AGRN: variants seen among roughly 807,000 people sequenced by gnomAD.
AGRN encodes the protein agrin proteoglycan.
A neutral mutation model predicts 211.0 loss-of-function variants in AGRN; 106 were observed. The ratio of observed to expected loss-of-function variants is 0.50; its 90% CI spans 0.43 to 0.59. The LOEUF (loss-of-function observed/expected upper bound fraction) is 0.59, where lower values mean the gene tolerates loss of function less well. Ranked by LOEUF, AGRN falls within the 20% of genes least tolerant of loss-of-function variation. The pLI is 0.00. For synonymous variants in AGRN, 1,525 were observed against 1,332.5 expected (o/e 1.14, Z -3.15); for missense variants, 3,040 against 2,982.6 (o/e 1.02, Z -0.45).
rs2100670338 is a variant in AGRN, at chr1:1,048,458, G to C, written c.4105+93G>C. Reference sequence around the variant, plus strand: ...TAAGCCACCATCAGGCTTTGAGTTGGGGGCAGGAGCCCGGATTAAGGCGGG... The same window carrying C: ...TAAGCCACCATCAGGCTTTGAGTTGCGGGCAGGAGCCCGGATTAAGGCGGG... On this transcript the variant is annotated intron_variant, in intron 23 of 35. Transcript: ENST00000379370. This position sits in a 1 kb window ranked among gnomAD's most constrained non-coding sequence, Gnocchi z 5.9. The C allele has an allele frequency of 2.7e-6, 3 of 1,095,080 alleles. No individual in the cohort carries two copies. Among genetic ancestry groups the C allele is most frequent in the Middle Eastern group, 3.1e-4 (1 of 3,256 alleles). 67.8% of individuals were successfully genotyped at this position (1,095,080 alleles called of 1,614,324 possible).
chr1:1,050,243 G>T lies in AGRN; in HGVS notation c.4890G>T (p.Gln1630His). ...TGACTCTCCCTACAGCCTCGGGGCA[G>T]GACGGCTCTGGGCCCTTCCTGGCTG... ...EGTFCQTASG[Q>H]DGSGPFLADF... is the part of the protein sequence containing the mutation. The change falls in exon 28 of 36, where the codon CAG becomes CAT. Residue 1630 changes from glutamine to histidine, a missense_variant. Coordinates refer to ENST00000379370, the MANE Select transcript of AGRN (RefSeq NM_198576.4). The T allele has an allele frequency of 1.2e-6, 2 of 1,613,162 alleles. No homozygotes were observed. The highest frequency in any genetic ancestry group is 1.7e-6 in the Non-Finnish European group (2 of 1,179,960).
intron 19 of AGRN, 155 bp downstream of exon 19, chr1:1,047,112 GTCTC>G (rs773713801): frequency 6.5e-6 from 9 of 1,392,214 alleles, no homozygotes; most frequent in Admixed American, 2.4e-5. Context: ...CGCCTAACCC[GTCTC>G]TCTCGTTGCA....
intron 7 of AGRN, 101 bp from the exon 8 acceptor site, chr1:1,043,138 C>A: frequency 7.6e-7 from 1 of 1,313,428 alleles, no homozygotes. Context: ...TCTTCCTCCA[C>A]CATCCCCTCC....
chr1:1,020,651 C>T (rs1644376946), intron 1 of AGRN, among the ~76,000 whole-genome samples: 1 of 151,994 alleles, frequency 6.6e-6, no homozygotes, highest in Admixed American at 6.5e-5. Context: ...CGCGCCCTCC[C>T]TACCGGCCGA....
At chr1:1,035,499 G>A (rs368842884) in intron 3 of AGRN, among the ~76,000 whole-genome samples, 175 bp downstream of exon 3, 49 of 152,266 alleles carry the variant, frequency 3.2e-4, no homozygotes, top group African/African-American at 1.1e-3. Flanking sequence ...GTAGGAACTC[G>A]GGGTCTAGAG....
chr1:1,044,180 G>A lies in AGRN; in HGVS notation c.2071G>A (p.Gly691Ser), dbSNP rs762554040. The A allele has an allele frequency of 3.7e-6, 6 of 1,613,150 alleles. No individual in the cohort carries two copies. Among genetic ancestry groups the A allele is most frequent in the East Asian group, 4.5e-5 (2 of 44,898 alleles). ...TGAGCAGGAGCTGTGCCGGCAGCGC[G>A]GTGGCATCTGGGACGAGGACTCGGA... ...DCEQELCRQR[G>S]GIWDEDSEDG... is the part of the protein sequence containing the mutation. Residue 691 changes from glycine (G) to serine (S), a missense_variant, in exon 11 of 36, where the codon GGT becomes AGT. Transcript: ENST00000379370.
Position 1,031,837 on chromosome 1 carries a change from C to T in AGRN, c.464-3440C>T, listed in dbSNP as rs1372546133. On this transcript the variant is annotated intron_variant, in intron 2 of 35. Coordinates refer to ENST00000379370, the MANE Select transcript of AGRN (RefSeq NM_198576.4). The surrounding 1 kb of genome is among the most constrained non-coding windows in gnomAD (Gnocchi z 4.8). ...GGTGGTGGCAGCAGGCGGGCTGGCG[C>T]GTGACCTGGTAGCACGGCCTGGGTT... Among the ~76,000 whole-genome samples, 2 of 152,318 alleles carry T rather than the reference C, an allele frequency of 1.3e-5. No homozygotes were observed. The highest frequency in any genetic ancestry group is 2.1e-4 in the South Asian group (1 of 4,834).
Position 1,048,480 on chromosome 1 carries a change from C to T in AGRN, c.4105+115C>T, listed in dbSNP as rs899466597. 28 of 950,780 alleles carry T rather than the reference C, an allele frequency of 2.9e-5. No individual in the cohort carries two copies. Among genetic ancestry groups the T allele is most frequent in the Admixed American group, 1.5e-4 (5 of 32,800 alleles). The allele number at this position is 950,780 out of a possible 1,614,324, so 58.9% of individuals were successfully genotyped here. A position where few individuals can be genotyped will look rare whatever the true frequency, so the allele number is the denominator to read the frequency against. ...TTGGGGGCAGGAGCCCGGATTAAGG[C>T]GGGGTTTCGGCCAGATGCGGTGGCT... On this transcript the variant is annotated intron_variant, in intron 23 of 35. Coordinates refer to ENST00000379370, the MANE Select transcript of AGRN (RefSeq NM_198576.4). This position sits in a 1 kb window ranked among gnomAD's most constrained non-coding sequence, Gnocchi z 5.9.
At chr1:1,023,162 C>T (rs1332180718) in intron 2 of AGRN, among the ~76,000 whole-genome samples, 1 of 152,106 alleles carries the variant, frequency 6.6e-6, no homozygotes, top group Non-Finnish European at 1.5e-5. Context: ...AGGGATGTGT[C>T]GGTGGGGGGG....
At chr1:1,040,618 G>T in intron 3 of AGRN, 47 bp from the exon 4 acceptor site, 1 of 1,532,046 alleles carries the variant, frequency 6.5e-7, no homozygotes. Flanking sequence ...TGTGGACGTG[G>T]GTACGGGCGT....
In AGRN at chr1:1,022,406, C is replaced by G; in HGVS notation, c.407C>G (p.Ser136Cys). The change falls in exon 2 of 36, where the codon TCC becomes TGC. Residue 136 changes from serine (S) to cysteine (C), a missense_variant. Physicochemically the swap from Ser to Cys is moderately radical, Grantham distance 112. Around this residue, in one of 3 missense-constraint regions of AGRN, gnomAD observed 1,498 missense variants for 1,457.8 expected, o/e 1.03. Coordinates refer to ENST00000379370, the MANE Select transcript of AGRN (RefSeq NM_198576.4). ...PAHKNELMLN[S>C]SLMRITLRNL... is the part of the protein sequence containing the mutation. ...CACAAGAACGAGCTGATGCTCAACT[C>G]CAGCCTCATGCGGATCACCCTGCGG... 6.2e-7 allele frequency: 1 copy of G among 1,613,416 alleles called. No individual in the cohort carries two copies. Among genetic ancestry groups the G allele is most frequent in the Non-Finnish European group, 8.5e-7 (1 of 1,179,972 alleles).
chr1:1,051,614 C>T lies in AGRN; in HGVS notation c.5532C>T (p.Pro1844=), dbSNP rs1003225193. Residue 1844 remains proline (P), a synonymous_variant, in exon 32 of 36, where the codon CCC becomes CCT. Coordinates refer to ENST00000379370, the MANE Select transcript of AGRN (RefSeq NM_198576.4). ...AGGCTGCCTATGTGTGCCTGTGTCC[C>T]GGGGGATTCTCAGGACCGCACTGCG... The part of the protein sequence containing the change: ...PREAAYVCLC[P]GGFSGPHCEK... 26 of 1,609,658 alleles carry T rather than the reference C, an allele frequency of 1.6e-5. No individual in the cohort carries two copies. Among genetic ancestry groups the T allele is most frequent in the East Asian group, 4.5e-5 (2 of 44,814 alleles).
rs552142079 is a variant in AGRN at position 1,047,169 on chromosome 1, G to T, written c.3389-158G>T. 2.7e-5 allele frequency: 37 copies of T among 1,373,636 alleles called. No individual in the cohort carries two copies. The East Asian group carries it at 9.2e-4, about 34-fold the overall frequency. The allele number at this position is 1,373,636 out of a possible 1,614,324, so 85.1% of individuals were successfully genotyped here. ...GCTCTGAGGAGTCCTCCTGGTAACC[G>T]ACACCAGCCCCACCCTGGGGTCCCC... is the stretch of plus-strand genomic sequence containing the variant. On this transcript the variant is annotated intron_variant, in intron 19 of 35. Coordinates refer to ENST00000379370, the MANE Select transcript of AGRN (RefSeq NM_198576.4).
intron 2 of AGRN, among the ~76,000 whole-genome samples, chr1:1,023,925 G>A (rs1256986207): frequency 1.3e-5 from 2 of 152,180 alleles, no homozygotes. Flanking sequence ...GCTCCAGGTG[G>A]GGAGCCTGGG....
chr1:1,053,513 G>A, intron 33 of AGRN: 1 of 1,527,624 alleles, frequency 6.5e-7, no homozygotes, highest in Non-Finnish European at 8.8e-7. Flanking sequence ...TGGCAGCAGT[G>A]CCTGCAGACC....
rs868527594 is a variant in AGRN at position 1,045,248 on chromosome 1, C to A, written c.2342C>A (p.Ala781Asp). Residue 781 changes from alanine to aspartate, a missense_variant, in exon 13 of 36, where the codon GCC (alanine) becomes GAC (aspartate). By Grantham distance (126) the Ala-to-Asp change is moderately radical. Around this residue, in one of 3 missense-constraint regions of AGRN, gnomAD observed 1,498 missense variants for 1,457.8 expected, o/e 1.03. Transcript: ENST00000379370. Reference sequence around the variant, plus strand: ...TGCTGCCAGGACAATATCACCGCAGCCCGGGGCGTGGGCCTGGCTGGCTGC... The same window carrying A: ...TGCTGCCAGGACAATATCACCGCAGACCGGGGCGTGGGCCTGGCTGGCTGC... ...YGCCQDNITA[A>D]RGVGLAGCPS... is the part of the protein sequence containing the mutation. 1.2e-6 allele frequency: 2 copies of A among 1,611,798 alleles called. No homozygotes were observed. The highest frequency in any genetic ancestry group is 1.3e-5 in the African/African-American group (1 of 75,048).
At chr1:1,020,510 A>AT in intron 1 of AGRN, 137 bp downstream of exon 1, 1 of 823,800 alleles carries the variant, frequency 1.2e-6, no homozygotes, top group Non-Finnish European at 1.7e-6. Context: ...AAGCCCCGGG[A>AT]GGGGGGGTCG....
chr1:1,022,543 C>A, intron 2 of AGRN, 81 bp downstream of exon 2: 1 of 1,412,270 alleles, frequency 7.1e-7, no homozygotes, highest in Non-Finnish European at 9.6e-7. Flanking sequence ...GGTCGCTGTG[C>A]GGGGTCCTTT....
At position 1,046,011 on chromosome 1, in the gene AGRN, G is replaced by C; in HGVS notation, c.2728G>C (p.Ala910Pro). The change falls in exon 16 of 36, where the codon GCG (alanine) becomes CCG (proline). Residue 910 changes from alanine (A) to proline (P), a missense_variant. This residue lies in a region of AGRN where 1,498 missense variants were observed against 1,457.8 expected (regional missense o/e 1.03). Coordinates refer to ENST00000379370, the MANE Select transcript of AGRN (RefSeq NM_198576.4). ...TCAEMRCEFG[A>P]RCVEESGSAH... ...TGCGGAGATGCGCTGTGAGTTCGGT[G>C]CGCGGTGCGTGGAGGAGTCTGGCTC... 6.2e-7 allele frequency: 1 copy of C among 1,614,018 alleles called. No homozygotes were observed. The highest frequency in any genetic ancestry group is 8.5e-7 in the Non-Finnish European group (1 of 1,180,026).
Sources: gnomAD v4.1 joint callset for allele counts (sites outside exome capture counted in the v4.1 genomes callset) on GRCh38, gnomAD v4.1.1 for gene constraint, gnomAD v4.1.1 regional missense constraint, Gnocchi (gnomAD v3.1) non-coding constraint, MANE v1.5 for transcripts, NCBI Gene and HGNC (gene_info 2026-07-23, HGNC 2026-07-21) for gene names.